Variants in GLIS3 observed in about 807,000 individuals in gnomAD.
The protein encoded by GLIS3 is GLIS family zinc finger 3, also known as zinc finger protein GLIS3.
Under a neutral mutation model 78.6 loss-of-function variants are expected in GLIS3, and 53 were observed. The ratio of observed to expected loss-of-function variants is 0.67; its 90% CI spans 0.54 to 0.85. The LOEUF (loss-of-function observed/expected upper bound fraction) is 0.85, where lower values mean the gene tolerates loss of function less well. GLIS3 is among the 40% of genes least tolerant of loss of function. The pLI is 0.00. For missense variants in GLIS3, 1,703 were observed against 1,231.1 expected, an observed-to-expected ratio of 1.38 and a Z score of -5.74; for synonymous variants, 684 against 509.9, an observed-to-expected ratio of 1.34 and a Z score of -4.60.
the GLIS3 span, among the ~76,000 whole-genome samples, chr9:4,376,101 G>C: frequency 1.4e-4 from 21 of 152,284 alleles, no homozygotes; most frequent in Admixed American, 2.0e-4. Flanking sequence ...CAGAACAGTT[G>C]GGTTAGCAAT....
chr9:3,888,068 C>G (rs773936401), intron 7 of GLIS3, among the ~76,000 whole-genome samples: 1 of 152,142 alleles, frequency 6.6e-6, no homozygotes, highest in African/African-American at 2.4e-5. Flanking sequence ...TGTGGGAAAT[C>G]TGTCATTTCC....
At chr9:4,161,020 G>A (rs1336742350) in intron 2 of GLIS3, among the ~76,000 whole-genome samples, 2 of 149,894 alleles carry the variant, frequency 1.3e-5, no homozygotes, top group Non-Finnish European at 2.9e-5. Flanking sequence ...AAGGTGGAAG[G>A]ATTGCTTCAA....
intron 2 of GLIS3, among the ~76,000 whole-genome samples, chr9:4,218,526 C>A (rs1199125456): frequency 6.6e-6 from 1 of 152,142 alleles, no homozygotes; most frequent in African/African-American, 2.4e-5. Flanking sequence ...GATCTGCCTG[C>A]CTTGGCCTCC....
At chr9:4,394,895 C>T in the GLIS3 span, among the ~76,000 whole-genome samples, 16 of 152,254 alleles carry the variant, frequency 1.1e-4, no homozygotes, top group East Asian at 9.6e-4. Context: ...AGACCACAGC[C>T]GCAATAGCTA....
chr9:4,203,727 T>A (rs535209506), intron 2 of GLIS3, among the ~76,000 whole-genome samples: 1 of 152,212 alleles, frequency 6.6e-6, no homozygotes, highest in South Asian at 2.1e-4. Flanking sequence ...CAGTGGTGGA[T>A]GGGATAAAGA....
rs541469636 is a variant in GLIS3, at chr9:4,298,126, G to C, written c.-99+1295C>G. The stretch of plus-strand genomic sequence containing the variant: ...GTGCAACTCGCTCCTGAGTGAGTCG[G>C]GGGCCGAAAGGGTGCTGCGGCTGGG... On this transcript the variant is annotated intron_variant, in intron 1 of 10. Coordinates refer to ENST00000381971, the MANE Select transcript of GLIS3 (RefSeq NM_001042413.2). Among the ~76,000 whole-genome samples the C allele has an allele frequency of 7.4e-3, 1,132 of 152,210 alleles. 21 individuals carry two copies. Among genetic ancestry groups the C allele is most frequent in the African/African-American group, 0.026 (1,071 of 41,554 alleles).
intron 2 of GLIS3, among the ~76,000 whole-genome samples, chr9:4,346,520 G>C (rs969948490): frequency 1.3e-5 from 2 of 152,230 alleles, no homozygotes; most frequent in East Asian, 3.9e-4. Context: ...CATAAGTGTG[G>C]CCATTACTTT....
chr9:4,232,020 C>T (rs1822295521), intron 2 of GLIS3, among the ~76,000 whole-genome samples: 1 of 152,102 alleles, frequency 6.6e-6, no homozygotes, highest in Admixed American at 6.5e-5. Flanking sequence ...CAACATTTAG[C>T]TTTGTATAGG....
chr9:4,068,801 T>A (rs1308807152), intron 4 of GLIS3, among the ~76,000 whole-genome samples: 1 of 142,346 alleles, frequency 7.0e-6, no homozygotes, highest in African/African-American at 2.5e-5. Context: ...CAGGTTTTTG[T>A]TATTTTTTGT....
chr9:4,401,645 G>C, the GLIS3 span, among the ~76,000 whole-genome samples: 2 of 150,534 alleles, frequency 1.3e-5, no homozygotes, highest in Non-Finnish European at 2.9e-5. Context: ...TCAGCTCACT[G>C]CAACCTCTGC....
At chr9:4,277,797 A>C (rs1827163764) in intron 2 of GLIS3, among the ~76,000 whole-genome samples, 1 of 152,246 alleles carries the variant, frequency 6.6e-6, no homozygotes, top group Non-Finnish European at 1.5e-5. Flanking sequence ...AGTGGGGATC[A>C]TAAAGCTGAT....
intron 7 of GLIS3, among the ~76,000 whole-genome samples, chr9:3,889,881 C>T (rs1190584946): frequency 2.0e-5 from 3 of 152,198 alleles, no homozygotes; most frequent in Non-Finnish European, 4.4e-5. Flanking sequence ...CCATAGTTTG[C>T]TGATTCTCAG....
intron 1 of GLIS3, among the ~76,000 whole-genome samples, chr9:4,295,995 A>G (rs1816463465): frequency 6.6e-6 from 1 of 152,128 alleles, no homozygotes; most frequent in Admixed American, 6.5e-5. Context: ...CTATGAACCA[A>G]CCAAACTTAG....
chr9:4,445,750 A>T, the GLIS3 span, among the ~76,000 whole-genome samples: 1,072 of 152,318 alleles, frequency 7.0e-3, 20 homozygotes, highest in African/African-American at 0.024. Flanking sequence ...CGCAACTCAA[A>T]CTTTCCATGC....
intron 4 of GLIS3, among the ~76,000 whole-genome samples, chr9:4,080,115 C>T (rs924546242): frequency 6.6e-6 from 1 of 152,192 alleles, no homozygotes; most frequent in Admixed American, 6.5e-5. Context: ...ATTGGAACCC[C>T]CCTGGCTTTA....
At chr9:4,335,203 T>C (rs534818153) in intron 2 of GLIS3, among the ~76,000 whole-genome samples, 1 of 152,286 alleles carries the variant, frequency 6.6e-6, no homozygotes, top group South Asian at 2.1e-4. Context: ...CCACCGTACC[T>C]GGCCCCATTT....
chr9:4,236,204 A>AAAG (rs1554630095), intron 2 of GLIS3, among the ~76,000 whole-genome samples: 14,796 of 84,580 alleles, frequency 0.17, 596 homozygotes, highest in Middle Eastern at 0.21. Context: ...AAAAAAAAAA[A>AAAG]AAAGAAAGAA....
chr9:3,967,040 A>ACAAG (rs1554660159), intron 4 of GLIS3, among the ~76,000 whole-genome samples: 1 of 129,628 alleles, frequency 7.7e-6, no homozygotes, highest in Admixed American at 8.6e-5. Context: ...AAAACAAAAA[A>ACAAG]ACATTTTGAG....
rs528257609 is a variant in GLIS3 at position 4,257,723 on chromosome 9, G to A, written c.388+28315C>T. Reference sequence around the variant, plus strand: ...CAAGTAGCTGGGACTACAGGTGCCTGCCACCACGCCCGGCTAATTTTTTTT... The same window carrying A: ...CAAGTAGCTGGGACTACAGGTGCCTACCACCACGCCCGGCTAATTTTTTTT... On this transcript the variant is annotated intron_variant, in intron 2 of 10. Coordinates refer to ENST00000381971, the MANE Select transcript of GLIS3 (RefSeq NM_001042413.2). Among the ~76,000 whole-genome samples the A allele has an allele frequency of 2.9e-3, 438 of 152,010 alleles. 1 individual carries two copies. Among genetic ancestry groups the A allele is most frequent in the African/African-American group, 9.9e-3 (409 of 41,470 alleles).
Sources: gnomAD v4.1 joint callset for allele counts (sites outside exome capture counted in the v4.1 genomes callset) on GRCh38, gnomAD v4.1.1 for gene constraint, MANE v1.5 for transcripts, NCBI Gene and HGNC (gene_info 2026-07-23, HGNC 2026-07-21) for gene names.